CAPZA2: variants seen among roughly 807,000 people sequenced by gnomAD.
CAPZA2 encodes capping actin protein of muscle Z-line subunit alpha 2, also known as F-actin-capping protein subunit alpha-2.
Under a neutral mutation model 44.0 loss-of-function variants are expected in CAPZA2, and 13 were observed. That is an observed-to-expected ratio of 0.30 (90% CI 0.19 to 0.47). The LOEUF is 0.47. Ranked by LOEUF, CAPZA2 falls within the 20% of genes least tolerant of loss-of-function variation. CAPZA2 has a pLI of 1.00. For synonymous variants in CAPZA2, 94 were observed against 108.2 expected (o/e 0.87, Z 0.81); for missense variants, 244 against 338.6 (o/e 0.72, Z 2.19).
intron 1 of CAPZA2, among the ~76,000 whole-genome samples, chr7:116,882,966 C>T (rs541564999): frequency 9.2e-5 from 14 of 152,162 alleles, no homozygotes; most frequent in East Asian, 1.9e-4. Context: ...AACCATGCCC[C>T]GAAAATCCAG....
At chr7:116,910,814 G>C (rs1791581848) in intron 7 of CAPZA2, among the ~76,000 whole-genome samples, 3 of 151,886 alleles carry the variant, frequency 2.0e-5, no homozygotes, top group African/African-American at 4.8e-5. Flanking sequence ...GACCATCCTG[G>C]CTAACACAGT....
chr7:116,917,421 A>C (rs1216364005), intron 9 of CAPZA2, among the ~76,000 whole-genome samples: 1 of 151,048 alleles, frequency 6.6e-6, no homozygotes, highest in African/African-American at 2.4e-5. Flanking sequence ...TGCCCGACTA[A>C]TTTTTTTTTG....
chr7:116,879,389 TAAC>T (rs1379203426), intron 1 of CAPZA2, among the ~76,000 whole-genome samples: 3 of 152,130 alleles, frequency 2.0e-5, no homozygotes, highest in Non-Finnish European at 4.4e-5. Flanking sequence ...ATTTGAAAAT[TAAC>T]AATCTATCTA....
chr7:116,908,807 C>T (rs1270474214), intron 6 of CAPZA2, among the ~76,000 whole-genome samples: 4 of 152,054 alleles, frequency 2.6e-5, no homozygotes, highest in African/African-American at 9.7e-5. Flanking sequence ...ATTTTTCCAA[C>T]CAACCTTCTT....
chr7:116,886,501 C>T (rs188365111), intron 1 of CAPZA2, among the ~76,000 whole-genome samples: 53 of 152,322 alleles, frequency 3.5e-4, no homozygotes, highest in African/African-American at 1.3e-3. Context: ...CAAACACACA[C>T]AGCCATTTCC....
At chr7:116,906,627 G>C (rs1562962964) in intron 6 of CAPZA2, 5 of 296,380 alleles carry the variant, frequency 1.7e-5, no homozygotes, top group Non-Finnish European at 3.0e-5. Flanking sequence ...CAATCCATAT[G>C]CTCATTCTGT....
At position 116,918,877 on chromosome 7, in the gene CAPZA2, T is replaced by C. The variant is rs1340908634; in HGVS notation, c.*1010T>C. On this transcript the variant is annotated 3_prime_UTR_variant, in exon 10 of 10. Coordinates refer to ENST00000361183, the MANE Select transcript of CAPZA2 (RefSeq NM_006136.3). The stretch of plus-strand genomic sequence containing the variant: ...TACAGTCTAAATTTTTTCATCCTCC[T>C]ATGCATCATAAGCATGTTTGTAATA... 1 of 152,188 alleles carries C rather than the reference T, an allele frequency of 6.6e-6. No individual in the cohort carries two copies. Among genetic ancestry groups the C allele is most frequent in the African/African-American group, 2.4e-5 (1 of 41,458 alleles). 9.4% of individuals were successfully genotyped at this position (152,188 alleles called of 1,614,324 possible).
intron 4 of CAPZA2, among the ~76,000 whole-genome samples, chr7:116,899,414 G>A (rs767340895): frequency 3.3e-5 from 5 of 151,992 alleles, no homozygotes; most frequent in Non-Finnish European, 5.9e-5. Flanking sequence ...ATAAGCGAAA[G>A]TGGTTAAGAA....
At chr7:116,896,645 A>G (rs1285814971) in intron 3 of CAPZA2, among the ~76,000 whole-genome samples, 1 of 152,176 alleles carries the variant, frequency 6.6e-6, no homozygotes, top group Non-Finnish European at 1.5e-5. Flanking sequence ...AAAGGGTATA[A>G]AAATCTAAAT....
intron 2 of CAPZA2, among the ~76,000 whole-genome samples, chr7:116,890,777 C>CAAAAA (rs576504004): frequency 1.9e-4 from 10 of 53,382 alleles, no homozygotes; most frequent in South Asian, 1.2e-3. Flanking sequence ...GACTCTGTCT[C>CAAAAA]AAAAAAAAAA....
At chr7:116,910,354 A>G (rs759569245) in intron 7 of CAPZA2, 43 bp downstream of exon 7, 3 of 913,154 alleles carry the variant, frequency 3.3e-6, no homozygotes, top group Middle Eastern at 2.2e-4. Flanking sequence ...ATGATTCTGA[A>G]CAGAGAAACA....
At chr7:116,890,545 T>A (rs1335491614) in intron 2 of CAPZA2, among the ~76,000 whole-genome samples, 363 of 12,008 alleles carry the variant, frequency 0.03, 47 homozygotes, top group African/African-American at 0.11. Context: ...TATATATATA[T>A]ATATATATAT....
intron 1 of CAPZA2, among the ~76,000 whole-genome samples, chr7:116,871,505 G>A (rs1796554087): frequency 6.6e-6 from 1 of 152,184 alleles, no homozygotes; most frequent in South Asian, 2.1e-4. Context: ...TTTAAGTGGT[G>A]GACTAGGGAT....
In CAPZA2 at chr7:116,921,190, C is replaced by T. The variant is rs1482207203; in HGVS notation, c.*3323C>T. The T allele has an allele frequency of 6.6e-6, 1 of 152,086 alleles. No individual in the cohort carries two copies. The highest frequency in any genetic ancestry group is 1.9e-4 in the East Asian group (1 of 5,184). The allele number at this position is 152,086 out of a possible 1,614,324, so 9.4% of individuals were successfully genotyped here. On this transcript the variant is annotated 3_prime_UTR_variant, in exon 10 of 10. Transcript: ENST00000361183. Reference sequence around the variant, plus strand: ...CATGAGGTCCAGAGATCAAGACCATCCTGGCCAATATGGTGCAACCCCATC... The same window carrying T: ...CATGAGGTCCAGAGATCAAGACCATTCTGGCCAATATGGTGCAACCCCATC...
chr7:116,885,406 G>C (rs1206892041), intron 1 of CAPZA2, among the ~76,000 whole-genome samples: 1 of 151,964 alleles, frequency 6.6e-6, no homozygotes, highest in Non-Finnish European at 1.5e-5. Flanking sequence ...GTGGGGAGAG[G>C]TGGGAGTCCC....
At chr7:116,881,738 CAAAAAAA>C (rs71148338) in intron 1 of CAPZA2, among the ~76,000 whole-genome samples, 677 of 47,810 alleles carry the variant, frequency 0.014, 13 homozygotes, top group African/African-American at 0.046. Context: ...GACTCTGTCT[CAAAAAAA>C]AAAAAAAAAA....
chr7:116,881,596 G>T (rs1181418451), intron 1 of CAPZA2, among the ~76,000 whole-genome samples: 1 of 151,574 alleles, frequency 6.6e-6, no homozygotes, highest in South Asian at 2.1e-4. Context: ...AAAATTAGCC[G>T]GGCGTGGTGG....
At chr7:116,884,986 C>T (rs911302406) in intron 1 of CAPZA2, among the ~76,000 whole-genome samples, 1 of 152,148 alleles carries the variant, frequency 6.6e-6, no homozygotes, top group Non-Finnish European at 1.5e-5. Flanking sequence ...CATTTCTCTA[C>T]TGACTAATGA....
At chr7:116,894,431 A>G (rs1796898617) in intron 3 of CAPZA2, among the ~76,000 whole-genome samples, 2 of 151,962 alleles carry the variant, frequency 1.3e-5, no homozygotes, top group Non-Finnish European at 2.9e-5. Flanking sequence ...TGAAGCCTTT[A>G]AAAAATAAAA....
Sources: allele counts gnomAD v4.1 joint callset (sites outside exome capture counted in the v4.1 genomes callset), GRCh38; gene constraint gnomAD v4.1.1; transcripts MANE v1.5; gene names NCBI Gene and HGNC (gene_info 2026-07-23, HGNC 2026-07-21).